Variants in KCNQ3 observed in about 807,000 individuals in gnomAD.
The protein encoded by KCNQ3 is potassium voltage-gated channel subfamily Q member 3.
In KCNQ3, 30 loss-of-function variants were observed where a neutral mutation model predicts 92.5. That is an observed-to-expected ratio of 0.32 (90% CI 0.24 to 0.44). KCNQ3 has a LOEUF of 0.44. Ranked by LOEUF, KCNQ3 falls within the 20% of genes least tolerant of loss-of-function variation. The probability of loss-of-function intolerance (pLI) is 1.00; values close to 1 mark genes in which losing one functional copy is unlikely to be tolerated. For synonymous variants in KCNQ3, 450 were observed against 468.8 expected (o/e 0.96, Z 0.52); for missense variants, 913 against 1,140.3 (o/e 0.80, Z 2.87).
chr8:132,453,561 G>A (rs1474728446), intron 1 of KCNQ3, among the ~76,000 whole-genome samples: 1 of 152,184 alleles, frequency 6.6e-6, no homozygotes, highest in African/African-American at 2.4e-5. Context: ...CTTCTAGGCG[G>A]GTGGTGTCCC....
At chr8:132,398,294 T>C (rs999745878) in intron 1 of KCNQ3, among the ~76,000 whole-genome samples, 1 of 152,176 alleles carries the variant, frequency 6.6e-6, no homozygotes, top group Non-Finnish European at 1.5e-5. Flanking sequence ...CTTTTTTCTG[T>C]GTGATATAGT....
chr8:132,458,627 G>T (rs1587041222), intron 1 of KCNQ3, among the ~76,000 whole-genome samples: 1 of 152,088 alleles, frequency 6.6e-6, no homozygotes, highest in African/African-American at 2.4e-5. Context: ...GCTAATTTCT[G>T]TATTTTTAGT....
intron 1 of KCNQ3, among the ~76,000 whole-genome samples, chr8:132,419,480 G>C (rs1387286513): frequency 1.3e-5 from 2 of 152,188 alleles, no homozygotes; most frequent in Non-Finnish European, 2.9e-5. Flanking sequence ...TCCAGTGCCT[G>C]AGTCCTGATT....
At position 132,480,853 on chromosome 8, in the gene KCNQ3, G is replaced by C. The variant is rs1478816517; in HGVS notation, c.-321C>G. The C allele has an allele frequency of 6.3e-6, 1 of 157,664 alleles. No individual in the cohort carries two copies. The highest frequency in any genetic ancestry group is 1.4e-5 in the Non-Finnish European group (1 of 73,772). The allele number at this position is 157,664 out of a possible 1,614,324, so 9.8% of individuals were successfully genotyped here. On this transcript the variant is annotated 5_prime_UTR_variant, in exon 1 of 15. Transcript: ENST00000388996. Reference sequence around the variant, plus strand: ...GAGGCGCTAGGGCGCGCGGCGGCGGGAGCCTGGAACCGGCGCTCCGGGGCG... The same window carrying C: ...GAGGCGCTAGGGCGCGCGGCGGCGGCAGCCTGGAACCGGCGCTCCGGGGCG...
chr8:132,226,270 C>CAA lies in KCNQ3; in HGVS notation c.387-40091_387-40090dup, dbSNP rs35424607. 1.1e-3 allele frequency among the ~76,000 whole-genome samples: 143 copies of CAA among 131,926 alleles called. 1 individual carries two copies. Among genetic ancestry groups the CAA allele is most frequent in the South Asian group, 1.4e-3 (6 of 4,162 alleles). 86.5% of individuals were successfully genotyped at this position (131,926 alleles called of 152,430 possible). A position where few individuals can be genotyped will look rare whatever the true frequency, so the allele number is the denominator to read the frequency against. On this transcript the variant is annotated intron_variant, in intron 1 of 14. Transcript: ENST00000388996. ...TGGGTGAGAGAGCATGATTCTGTCT[C>CAA]AAAAAAAAAAAAAAATCATGGAGGA...
chr8:132,445,363 A>G (rs1436598601), intron 1 of KCNQ3, among the ~76,000 whole-genome samples: 1 of 152,136 alleles, frequency 6.6e-6, no homozygotes, highest in Non-Finnish European at 1.5e-5. Context: ...CCAGGGCAGC[A>G]CAGCCACGTG....
chr8:132,354,399 A>T (rs973691999), intron 1 of KCNQ3, among the ~76,000 whole-genome samples: 1 of 152,344 alleles, frequency 6.6e-6, no homozygotes, highest in East Asian at 1.9e-4. Flanking sequence ...ATCCCTGCAG[A>T]TCACCTGTAA....
Position 132,370,569 on chromosome 8 carries a change from A to G in KCNQ3, c.386+109578T>C, listed in dbSNP as rs537283287. Among the ~76,000 whole-genome samples, 80 of 152,162 alleles carry G rather than the reference A, an allele frequency of 5.3e-4. 1 individual carries two copies. The highest frequency in any genetic ancestry group is 1.9e-3 in the African/African-American group (80 of 41,510). On this transcript the variant is annotated intron_variant, in intron 1 of 14. Transcript: ENST00000388996. ...TTTCCTCAGGGCCTCAAGCAGCTCC[A>G]ATCAATTGGGAAGAGGAGAGCAAGA...
chr8:132,277,723 G>C lies in KCNQ3; in HGVS notation c.387-91542C>G, dbSNP rs142208451. Reference sequence around the variant, plus strand: ...AGATGCTGGAGTTGGAAAAGTCCCTGCTGGCAGTCCCCAAAGGACGGCCCA... The same window carrying C: ...AGATGCTGGAGTTGGAAAAGTCCCTCCTGGCAGTCCCCAAAGGACGGCCCA... On this transcript the variant is annotated intron_variant, in intron 1 of 14. Transcript: ENST00000388996. Among the ~76,000 whole-genome samples the C allele has an allele frequency of 7.9e-5, 12 of 152,298 alleles. No homozygotes were observed. The East Asian group carries it at 1.7e-3, about 22-fold the overall frequency.
intron 5 of KCNQ3, 90 bp from the exon 6 acceptor site, chr8:132,174,439 C>G: frequency 1.0e-6 from 1 of 983,910 alleles, no homozygotes; most frequent in Non-Finnish European, 1.6e-6. Flanking sequence ...GCCTCTCCAT[C>G]AGCTTGGGCA....
chr8:132,309,745 TC>T (rs1817535726), intron 1 of KCNQ3, among the ~76,000 whole-genome samples: 1 of 152,122 alleles, frequency 6.6e-6, no homozygotes, highest in South Asian at 2.1e-4. Context: ...ACAGGACAAA[TC>T]CCCATCCCTT....
At chr8:132,310,055 C>T (rs924759745) in intron 1 of KCNQ3, among the ~76,000 whole-genome samples, 7 of 152,310 alleles carry the variant, frequency 4.6e-5, no homozygotes, top group African/African-American at 1.7e-4. Context: ...CAGACCTTCT[C>T]ATATAAATAG....
intron 1 of KCNQ3, among the ~76,000 whole-genome samples, chr8:132,326,195 T>C (rs924190161): frequency 8.5e-5 from 13 of 152,140 alleles, no homozygotes; most frequent in African/African-American, 2.4e-4. Context: ...GTGGCATGAG[T>C]GCAGAAGGTG....
At chr8:132,326,426 T>A (rs1818054029) in intron 1 of KCNQ3, among the ~76,000 whole-genome samples, 1 of 152,128 alleles carries the variant, frequency 6.6e-6, no homozygotes. Flanking sequence ...GAAGGAAAGA[T>A]CCAGTCCCTG....
chr8:132,154,351 C>T (rs866849683), intron 9 of KCNQ3, among the ~76,000 whole-genome samples: 1 of 151,844 alleles, frequency 6.6e-6, no homozygotes, highest in Non-Finnish European at 1.5e-5. Context: ...CAGTTTGTCT[C>T]TTCTTCAGGC....
chr8:132,252,807 A>G (rs1815460010), intron 1 of KCNQ3, among the ~76,000 whole-genome samples: 1 of 152,194 alleles, frequency 6.6e-6, no homozygotes, highest in Non-Finnish European at 1.5e-5. Flanking sequence ...AGCTAGACAG[A>G]AAAATTCTCC....
intron 1 of KCNQ3, among the ~76,000 whole-genome samples, chr8:132,276,537 G>A (rs1816335931): frequency 6.6e-6 from 1 of 152,106 alleles, no homozygotes; most frequent in South Asian, 2.1e-4. Flanking sequence ...CCCCCAACAA[G>A]GCAGCCCATT....
At chr8:132,268,010 C>T (rs960969084) in intron 1 of KCNQ3, among the ~76,000 whole-genome samples, 3 of 152,130 alleles carry the variant, frequency 2.0e-5, no homozygotes, top group Non-Finnish European at 2.9e-5. Context: ...TTGGCAAATG[C>T]ATAATGACAT....
intron 1 of KCNQ3, among the ~76,000 whole-genome samples, chr8:132,411,145 A>G (rs1286164943): frequency 6.6e-6 from 1 of 152,228 alleles, no homozygotes; most frequent in Non-Finnish European, 1.5e-5. Context: ...AAACATGCAT[A>G]AAGGTTCCAC....
Sources: gnomAD v4.1 joint callset for allele counts (sites outside exome capture counted in the v4.1 genomes callset) on GRCh38, gnomAD v4.1.1 for gene constraint, MANE v1.5 for transcripts, NCBI Gene and HGNC (gene_info 2026-07-23, HGNC 2026-07-21) for gene names.